GPR158: variants seen among roughly 807,000 people sequenced by gnomAD.
GPR158 encodes the protein G protein-coupled receptor 158.
A neutral mutation model predicts 78.2 loss-of-function variants in GPR158; 30 were observed. The observed-to-expected ratio is 0.38, with a 90% CI of 0.29 to 0.52. The LOEUF (loss-of-function observed/expected upper bound fraction) is 0.52, where lower values mean the gene tolerates loss of function less well. Among genes scored for constraint, GPR158 ranks in the 20% least tolerant of loss-of-function variants. The pLI, the probability that GPR158 is intolerant of heterozygous loss-of-function variation, is 0.83. For missense variants in GPR158, 1,463 were observed against 1,523.5 expected (o/e 0.96, Z 0.66); for synonymous variants, 581 against 591.1 (o/e 0.98, Z 0.25).
intron 1 of GPR158, among the ~76,000 whole-genome samples, chr10:25,199,877 G>A (rs1439402849): frequency 6.6e-6 from 1 of 152,114 alleles, no homozygotes; most frequent in East Asian, 1.9e-4. Flanking sequence ...AGTATTCCAT[G>A]GTGTATATGT....
At chr10:25,481,883 G>A (rs1002968717) in intron 5 of GPR158, among the ~76,000 whole-genome samples, 4 of 152,148 alleles carry the variant, frequency 2.6e-5, no homozygotes. Flanking sequence ...TTTGAATGAG[G>A]CAGGTTTTTA....
At chr10:25,537,848 G>A (rs1836520185) in intron 5 of GPR158, among the ~76,000 whole-genome samples, 1 of 152,074 alleles carries the variant, frequency 6.6e-6, no homozygotes, top group Non-Finnish European at 1.5e-5. Flanking sequence ...TGCCATGTAA[G>A]ATGTGCCTGC....
In GPR158 at chr10:25,185,562, G is replaced by A. The variant is rs567625888; in HGVS notation, c.902+9240G>A. ...CACTAGGCCGGATGTGGTGGCTCAC[G>A]CCTGTAATCCCAGCACTTTGGGATG... On this transcript the variant is annotated intron_variant, in intron 1 of 10. Coordinates refer to ENST00000376351, the MANE Select transcript of GPR158 (RefSeq NM_020752.3). Among the ~76,000 whole-genome samples the A allele has an allele frequency of 2.0e-5, 3 of 152,270 alleles. No individual in the cohort carries two copies. In the South Asian group the frequency reaches 6.2e-4, roughly 32 times the overall value.
intron 4 of GPR158, among the ~76,000 whole-genome samples, chr10:25,438,303 C>T (rs114097913): frequency 7.3e-4 from 111 of 152,180 alleles, no homozygotes; most frequent in African/African-American, 2.5e-3. Context: ...AAGCCCAGAT[C>T]GGGTTGGTTT....
At chr10:25,471,926 G>A (rs1270891740) in intron 5 of GPR158, among the ~76,000 whole-genome samples, 1 of 152,154 alleles carries the variant, frequency 6.6e-6, no homozygotes, top group Admixed American at 6.6e-5. Flanking sequence ...TGTTCACTCT[G>A]ATGGTAGTTT....
chr10:25,430,332 C>G (rs1449421532), intron 4 of GPR158, among the ~76,000 whole-genome samples: 1 of 150,594 alleles, frequency 6.6e-6, no homozygotes, highest in African/African-American at 2.4e-5. Context: ...TCAAGGAGAA[C>G]TACAAACCAC....
At chr10:25,390,838 C>T (rs1394543256) in intron 2 of GPR158, among the ~76,000 whole-genome samples, 1 of 152,196 alleles carries the variant, frequency 6.6e-6, no homozygotes, top group African/African-American at 2.4e-5. Flanking sequence ...TGAAAAATGT[C>T]TGTAGGGCAT....
At chr10:25,499,795 A>G (rs901397873) in intron 5 of GPR158, among the ~76,000 whole-genome samples, 1 of 152,146 alleles carries the variant, frequency 6.6e-6, no homozygotes, top group Non-Finnish European at 1.5e-5. Context: ...AGCAAGTGGA[A>G]AGCCTCGAGG....
chr10:25,204,567 G>T (rs952842675), intron 1 of GPR158, among the ~76,000 whole-genome samples: 2 of 152,114 alleles, frequency 1.3e-5, no homozygotes, highest in African/African-American at 4.8e-5. Flanking sequence ...ATTGATTTGT[G>T]TATGTTGAGC....
chr10:25,357,152 C>A (rs551212535), intron 2 of GPR158, among the ~76,000 whole-genome samples: 1 of 152,180 alleles, frequency 6.6e-6, no homozygotes, highest in South Asian at 2.1e-4. Flanking sequence ...TTTAGGGTAT[C>A]TGGCAGAAGA....
chr10:25,541,816 G>T (rs555921862), intron 5 of GPR158, among the ~76,000 whole-genome samples: 1 of 151,484 alleles, frequency 6.6e-6, no homozygotes, highest in South Asian at 2.1e-4. Context: ...GAAAATTATC[G>T]GCTTAATTCT....
intron 5 of GPR158, among the ~76,000 whole-genome samples, chr10:25,520,847 A>T (rs1344590159): frequency 1.3e-5 from 2 of 152,300 alleles, no homozygotes; most frequent in East Asian, 1.9e-4. Context: ...CCAGAGGTGG[A>T]GCCTACAGAG....
intron 2 of GPR158, among the ~76,000 whole-genome samples, chr10:25,314,420 A>G (rs1854816153): frequency 6.6e-6 from 1 of 152,148 alleles, no homozygotes; most frequent in African/African-American, 2.4e-5. Context: ...TTATTGACAT[A>G]AAGATTTGCA....
intron 2 of GPR158, among the ~76,000 whole-genome samples, chr10:25,248,454 C>T (rs993775934): frequency 1.3e-5 from 2 of 151,710 alleles, no homozygotes; most frequent in Admixed American, 6.6e-5. Flanking sequence ...TTAGGTCTAA[C>T]ATTTAAATCT....
chr10:25,288,684 A>G (rs1854387216), intron 2 of GPR158, among the ~76,000 whole-genome samples: 1 of 152,240 alleles, frequency 6.6e-6, no homozygotes. Context: ...ATCCATCTTC[A>G]TTCAGGCAGG....
intron 2 of GPR158, among the ~76,000 whole-genome samples, chr10:25,376,641 C>A (rs1056868501): frequency 2.6e-5 from 4 of 151,644 alleles, no homozygotes; most frequent in Non-Finnish European, 5.9e-5. Context: ...TTTCTCTCTG[C>A]CTAATAAACA....
At position 25,531,995 on chromosome 10, in the gene GPR158, C is replaced by T. The variant is rs566087113; in HGVS notation, c.1405-18981C>T. On this transcript the variant is annotated intron_variant, in intron 5 of 10. Transcript: ENST00000376351. ...TGCCTGGAGCATGGGGAGATCATAC[C>T]GGAAATGGTGACTTCTTCACAGAGG... Among the ~76,000 whole-genome samples the T allele has an allele frequency of 3.9e-3, 589 of 152,194 alleles. 5 individuals are homozygous for T. Among genetic ancestry groups the T allele is most frequent in the African/African-American group, 0.014 (562 of 41,518 alleles).
intron 2 of GPR158, among the ~76,000 whole-genome samples, chr10:25,383,441 C>T (rs1378448571): frequency 6.6e-6 from 1 of 152,126 alleles, no homozygotes; most frequent in African/African-American, 2.4e-5. Context: ...GCCATAGAAA[C>T]ACCTTTGTTT....
chr10:25,442,499 T>TTC (rs34243032), intron 4 of GPR158, among the ~76,000 whole-genome samples: 1,576 of 152,164 alleles, frequency 0.01, 31 homozygotes, highest in African/African-American at 0.036. Context: ...CTCAGACATT[T>TTC]TCTCTCTCTC....
Sources: allele counts gnomAD v4.1 joint callset (sites outside exome capture counted in the v4.1 genomes callset), GRCh38; gene constraint gnomAD v4.1.1; transcripts MANE v1.5; gene names NCBI Gene and HGNC (gene_info 2026-07-23, HGNC 2026-07-21).